The following PRKG1 variants were observed in gnomAD, a reference collection of about 807,000 sequenced individuals.
The protein encoded by PRKG1 is protein kinase cGMP-dependent 1, also known as cGMP-dependent protein kinase 1.
In PRKG1, 35 loss-of-function variants were observed where a neutral mutation model predicts 88.1. That is an observed-to-expected ratio of 0.40 (90% CI 0.30 to 0.53). The LOEUF (loss-of-function observed/expected upper bound fraction) is 0.53. Among genes scored for constraint, PRKG1 ranks in the 20% least tolerant of loss-of-function variants. The pLI is 0.59. For synonymous variants in PRKG1, 303 were observed against 292.5 expected, an observed-to-expected ratio of 1.04 and a Z score of -0.37; for missense variants, 540 against 839.8, an observed-to-expected ratio of 0.64 and a Z score of 4.41.
intron 7 of PRKG1, among the ~76,000 whole-genome samples, chr10:52,069,266 C>T (rs1215524932): frequency 6.6e-6 from 1 of 151,996 alleles, no homozygotes; most frequent in Non-Finnish European, 1.5e-5. Flanking sequence ...CATGGTGGCT[C>T]ATGCTTGTAA....
chr10:51,305,740 T>C (rs908217032), intron 2 of PRKG1, among the ~76,000 whole-genome samples: 2 of 152,236 alleles, frequency 1.3e-5, no homozygotes, highest in African/African-American at 2.4e-5. Context: ...GTTTTGACTG[T>C]TCAAAAGTGT....
chr10:51,815,869 G>C lies in PRKG1; in HGVS notation c.698+11179G>C, dbSNP rs141993390. ...TGCAGGGAAAGCAGCCCCTGGAAAGGGAAGCCCTTAGAGGCAGCATGAGCA... is the reference window on the plus strand; with the variant it reads ...TGCAGGGAAAGCAGCCCCTGGAAAGCGAAGCCCTTAGAGGCAGCATGAGCA... On this transcript the variant is annotated intron_variant, in intron 4 of 17. Transcript: ENST00000373980. Among the ~76,000 whole-genome samples, 532 of 152,256 alleles carry C rather than the reference G, an allele frequency of 3.5e-3. 1 individual carries two copies. Among genetic ancestry groups the C allele is most frequent in the African/African-American group, 0.011 (443 of 41,540 alleles).
At chr10:51,143,441 A>G (rs1448047281) in intron 1 of PRKG1, among the ~76,000 whole-genome samples, 9 of 152,126 alleles carry the variant, frequency 5.9e-5, no homozygotes. Flanking sequence ...TGCAATAAAC[A>G]TGAGGTGCAG....
intron 7 of PRKG1, among the ~76,000 whole-genome samples, chr10:52,098,353 C>A (rs981885689): frequency 6.6e-6 from 1 of 152,070 alleles, no homozygotes; most frequent in Non-Finnish European, 1.5e-5. Context: ...TTTATAGGAG[C>A]GTAGTGAATA....
chr10:52,052,707 A>G (rs2133251305), intron 5 of PRKG1, among the ~76,000 whole-genome samples: 1 of 152,260 alleles, frequency 6.6e-6, no homozygotes, highest in Non-Finnish European at 1.5e-5. Context: ...ATCAGGTCTC[A>G]TGAGACTTCT....
chr10:51,635,022 G>T (rs1253576990), intron 3 of PRKG1, among the ~76,000 whole-genome samples: 1 of 151,964 alleles, frequency 6.6e-6, no homozygotes, highest in African/African-American at 2.4e-5. Context: ...AAAATAATAT[G>T]CACACCAAAC....
rs942329676 is a variant in PRKG1, at chr10:51,690,926, CAAAAAAA to C, written c.593-113640_593-113634del. Among the ~76,000 whole-genome samples, 18 of 37,724 alleles carry C rather than the reference CAAAAAAA, an allele frequency of 4.8e-4. 1 individual carries two copies. Among genetic ancestry groups the C allele is most frequent in the Admixed American group, 1.0e-3 (3 of 2,912 alleles). The allele number at this position is 37,724 out of a possible 152,430, so 24.7% of individuals were successfully genotyped here. On this transcript the variant is annotated intron_variant, in intron 3 of 17. Coordinates refer to ENST00000373980, the MANE Select transcript of PRKG1 (RefSeq NM_006258.4). ...CTGGCGACAGAGTGAGACTCTGTCTCAAAAAAAAAAAAAAAAAAAAAAAAAGAATTAC... is the reference window on the plus strand; with the variant it reads ...CTGGCGACAGAGTGAGACTCTGTCTCAAAAAAAAAAAAAAAAAAGAATTAC...
chr10:51,913,110 G>A (rs1842257767), intron 5 of PRKG1, among the ~76,000 whole-genome samples: 1 of 152,076 alleles, frequency 6.6e-6, no homozygotes, highest in African/African-American at 2.4e-5. Flanking sequence ...TGTATTTTTA[G>A]TAGAGACAGG....
intron 3 of PRKG1, among the ~76,000 whole-genome samples, chr10:51,647,286 A>G (rs1313171929): frequency 6.6e-6 from 1 of 152,152 alleles, no homozygotes; most frequent in African/African-American, 2.4e-5. Flanking sequence ...TAGCCCTGAA[A>G]AAGTCACACT....
At chr10:52,033,068 C>G (rs1278209302) in intron 5 of PRKG1, among the ~76,000 whole-genome samples, 1 of 152,034 alleles carries the variant, frequency 6.6e-6, no homozygotes, top group East Asian at 1.9e-4. Context: ...ATATCTATAC[C>G]CAGCATTCAT....
chr10:51,000,486 G>A (rs1207178494), intron 1 of PRKG1, among the ~76,000 whole-genome samples: 3 of 152,124 alleles, frequency 2.0e-5, no homozygotes, highest in Admixed American at 1.3e-4. Flanking sequence ...GTCACTTAAC[G>A]CTAATTATTT....
rs11458678 is a variant in PRKG1 at position 51,989,593 on chromosome 10, T to TAA, written c.763-64881_763-64880dup. Among the ~76,000 whole-genome samples the TAA allele has an allele frequency of 6.0e-3, 891 of 148,776 alleles. 7 individuals are homozygous for TAA. The highest frequency in any genetic ancestry group is 0.019 in the East Asian group (97 of 5,048). ...TCAAGTCTATAGAAGCCAATGATGA[T>TAA]AAAAAAAAAAACTTAAAAATTATGA... On this transcript the variant is annotated intron_variant, in intron 5 of 17. Transcript: ENST00000373980.
intron 4 of PRKG1, among the ~76,000 whole-genome samples, chr10:51,832,342 G>A (rs1323675994): frequency 6.6e-6 from 1 of 152,180 alleles, no homozygotes; most frequent in Non-Finnish European, 1.5e-5. Context: ...GGTGCATATA[G>A]CATGTATATA....
intron 2 of PRKG1, among the ~76,000 whole-genome samples, chr10:51,466,959 G>A (rs1839922222): frequency 6.6e-6 from 1 of 152,024 alleles, no homozygotes. Context: ...GATTGTGTTA[G>A]GCCATGAAAT....
At chr10:51,309,667 C>T (rs898997740) in intron 2 of PRKG1, among the ~76,000 whole-genome samples, 1 of 151,752 alleles carries the variant, frequency 6.6e-6, no homozygotes, top group East Asian at 1.9e-4. Flanking sequence ...AGAACAACCT[C>T]TATGGAAAAC....
intron 2 of PRKG1, among the ~76,000 whole-genome samples, chr10:51,405,284 T>A (rs1192747070): frequency 6.6e-6 from 1 of 152,230 alleles, no homozygotes; most frequent in Non-Finnish European, 1.5e-5. Flanking sequence ...AACTGGGGAC[T>A]GGCTGTACTT....
intron 5 of PRKG1, among the ~76,000 whole-genome samples, chr10:51,933,808 G>A (rs75061647): frequency 6.6e-6 from 1 of 151,964 alleles, no homozygotes; most frequent in Non-Finnish European, 1.5e-5. Context: ...ATAATAAGAA[G>A]AAGAAGATTT....
intron 1 of PRKG1, among the ~76,000 whole-genome samples, chr10:51,106,314 T>C (rs1384879035): frequency 6.6e-6 from 1 of 152,176 alleles, no homozygotes; most frequent in Non-Finnish European, 1.5e-5. Context: ...GTTAGTGTGA[T>C]TGAAAATTGT....
intron 2 of PRKG1, among the ~76,000 whole-genome samples, chr10:51,306,305 G>A (rs547214625): frequency 1.3e-5 from 2 of 152,210 alleles, no homozygotes; most frequent in East Asian, 1.9e-4. Context: ...TTTCACAGGC[G>A]AGAATGACAA....
Sources: gnomAD v4.1 joint callset for allele counts (sites outside exome capture counted in the v4.1 genomes callset) on GRCh38, gnomAD v4.1.1 for gene constraint, MANE v1.5 for transcripts, NCBI Gene and HGNC (gene_info 2026-07-23, HGNC 2026-07-21) for gene names.